The following COL14A1 variants were observed in gnomAD, a reference collection of about 807,000 sequenced individuals.
COL14A1 encodes the protein collagen type XIV alpha 1 chain, also known as collagen alpha-1(XIV) chain.
COL14A1 carries 136 observed loss-of-function variants against 230.3 expected under a neutral mutation model. That is an observed-to-expected ratio of 0.59 (90% CI 0.51 to 0.68). The LOEUF is 0.68. COL14A1 is among the 30% of genes least tolerant of loss of function. COL14A1 has a pLI of 0.00. For synonymous variants in COL14A1, 792 were observed against 784.1 expected, an observed-to-expected ratio of 1.01 and a Z score of -0.17; for missense variants, 1,976 against 2,215.8, an observed-to-expected ratio of 0.89 and a Z score of 2.17.
chr8:120,360,715 C>T (rs1823169642), intron 45 of COL14A1, among the ~76,000 whole-genome samples: 2 of 152,172 alleles, frequency 1.3e-5, no homozygotes, highest in East Asian at 3.8e-4. Context: ...ATCTGTGTTT[C>T]CTACTCCATG....
chr8:120,266,221 A>T (rs1422307996), intron 24 of COL14A1, among the ~76,000 whole-genome samples: 2 of 152,020 alleles, frequency 1.3e-5, no homozygotes, highest in Non-Finnish European at 2.9e-5. Context: ...CAGATCCTTT[A>T]ACCAAGCCAT....
intron 45 of COL14A1, among the ~76,000 whole-genome samples, chr8:120,362,423 T>C (rs1018594555): frequency 6.6e-6 from 1 of 152,252 alleles, no homozygotes; most frequent in Non-Finnish European, 1.5e-5. Flanking sequence ...TCAAATTTTG[T>C]ATTCCATTCA....
chr8:120,367,254 T>A lies in COL14A1; in HGVS notation c.5155+6T>A. On this transcript the variant is annotated splice_donor_region_variant and intron_variant, in intron 46 of 47. Coordinates refer to ENST00000297848, the MANE Select transcript of COL14A1 (RefSeq NM_021110.4). ...AGGCCCCCCTGGACCAGCAGGTAAA[T>A]CTTCCTTCCTAACAAGAGACTGCAA... The A allele has an allele frequency of 6.2e-7, 1 of 1,601,356 alleles. No individual in the cohort carries two copies. The highest frequency in any genetic ancestry group is 8.5e-7 in the Non-Finnish European group (1 of 1,175,170).
chr8:120,370,672 CTG>C (rs1823556096), intron 47 of COL14A1: 1 of 1,446,408 alleles, frequency 6.9e-7, no homozygotes, highest in Non-Finnish European at 9.2e-7. Flanking sequence ...CCAGACTCCC[CTG>C]TGTGACAGCT....
At chr8:120,294,424 G>A (rs915685194) in intron 34 of COL14A1, among the ~76,000 whole-genome samples, 5 of 109,912 alleles carry the variant, frequency 4.5e-5, no homozygotes, top group Admixed American at 9.4e-5. Flanking sequence ...GAGGTTTTGT[G>A]TCTCTTCCTC....
intron 40 of COL14A1, among the ~76,000 whole-genome samples, chr8:120,330,080 T>C (rs1821813936): frequency 6.6e-6 from 1 of 152,216 alleles, no homozygotes; most frequent in African/African-American, 2.4e-5. Context: ...AAACTCATAC[T>C]AGCCCCTTGA....
At chr8:120,333,718 G>A (rs1475847109) in intron 42 of COL14A1, among the ~76,000 whole-genome samples, 4 of 152,208 alleles carry the variant, frequency 2.6e-5, no homozygotes, top group African/African-American at 4.8e-5. Context: ...GAAGGTGTCG[G>A]TATTTCCTTT....
chr8:120,152,286 C>T (rs1815310473), intron 2 of COL14A1, among the ~76,000 whole-genome samples: 1 of 151,586 alleles, frequency 6.6e-6, no homozygotes, highest in African/African-American at 2.4e-5. Flanking sequence ...ACGGTGAAAC[C>T]GCGTCTCTAC....
At chr8:120,174,262 A>AT (rs5894516) in intron 5 of COL14A1, among the ~76,000 whole-genome samples, 7,075 of 146,332 alleles carry the variant, frequency 0.048, 201 homozygotes, top group African/African-American at 0.068. Flanking sequence ...TTGGATTGGC[A>AT]TTTTTTTTTT....
At chr8:120,168,084 G>A (rs541247965) in intron 4 of COL14A1, 77 bp from the exon 5 acceptor site, 5 of 994,708 alleles carry the variant, frequency 5.0e-6, no homozygotes, top group Non-Finnish European at 7.5e-6. Flanking sequence ...GGCTTTCAAG[G>A]GTTTTAGTAA....
chr8:120,252,983 C>G (rs1819023030), intron 22 of COL14A1, among the ~76,000 whole-genome samples: 1 of 152,208 alleles, frequency 6.6e-6, no homozygotes, highest in African/African-American at 2.4e-5. Flanking sequence ...CCATCTTCAA[C>G]AGGCCTAGGA....
rs768639369 is a variant in COL14A1, at chr8:120,316,008, G to A, written c.4659+11G>A. On this transcript the variant is annotated intron_variant, in intron 40 of 47. Transcript: ENST00000297848. ...TCACCAGGCCAGAGGGTAAGGTCTT[G>A]CCCAAGGTTGGTTTTTAGCAAAGTA... 1 of 1,613,950 alleles carries A rather than the reference G, an allele frequency of 6.2e-7. No individual in the cohort carries two copies. Among genetic ancestry groups the A allele is most frequent in the South Asian group, 1.1e-5 (1 of 91,050 alleles).
chr8:120,347,295 C>T (rs1183307494), intron 45 of COL14A1, among the ~76,000 whole-genome samples: 4 of 152,140 alleles, frequency 2.6e-5, no homozygotes, highest in Non-Finnish European at 5.9e-5. Context: ...AATTTTCTTA[C>T]ATACATATTG....
At chr8:120,257,431 AG>A (rs1262042292) in intron 23 of COL14A1, among the ~76,000 whole-genome samples, 55 of 152,308 alleles carry the variant, frequency 3.6e-4, no homozygotes, top group African/African-American at 1.3e-3. Context: ...CAACTGGAAA[AG>A]GAATGTTTGA....
intron 26 of COL14A1, among the ~76,000 whole-genome samples, chr8:120,273,123 A>G (rs1308963889): frequency 2.6e-5 from 4 of 151,878 alleles, no homozygotes; most frequent in Non-Finnish European, 4.4e-5. Context: ...AAAACTAGAA[A>G]TCAACTCCAA....
intron 42 of COL14A1, among the ~76,000 whole-genome samples, chr8:120,337,341 A>G (rs1822113948): frequency 6.6e-6 from 1 of 150,588 alleles, no homozygotes; most frequent in Non-Finnish European, 1.5e-5. Context: ...GGTTGCAGTG[A>G]GCCGAGATCA....
At chr8:120,201,019 T>C (rs1817233064) in intron 8 of COL14A1, among the ~76,000 whole-genome samples, 2 of 151,832 alleles carry the variant, frequency 1.3e-5, no homozygotes, top group African/African-American at 4.8e-5. Context: ...AATGGCTGTT[T>C]AATAAGTTAG....
chr8:120,201,336 C>T (rs183670327), intron 8 of COL14A1, among the ~76,000 whole-genome samples: 35 of 152,108 alleles, frequency 2.3e-4, no homozygotes, highest in African/African-American at 8.2e-4. Flanking sequence ...TGTGCAGGAG[C>T]CAGCTCATGC....
chr8:120,134,981 A>AAAAC (rs938441470), intron 1 of COL14A1, among the ~76,000 whole-genome samples: 3 of 152,192 alleles, frequency 2.0e-5, no homozygotes, highest in African/African-American at 7.2e-5. Context: ...TCCATCACAA[A>AAAAC]AAACAAACAA....
Sources: gnomAD v4.1 joint callset for allele counts (sites outside exome capture counted in the v4.1 genomes callset) on GRCh38, gnomAD v4.1.1 for gene constraint, MANE v1.5 for transcripts, NCBI Gene and HGNC (gene_info 2026-07-23, HGNC 2026-07-21) for gene names.